Variants in ST3GAL6 observed in about 807,000 individuals in gnomAD.
The protein encoded by ST3GAL6 is type 2 lactosamine alpha-2,3-sialyltransferase.
A neutral mutation model predicts 40.5 loss-of-function variants in ST3GAL6; 31 were observed. The ratio of observed to expected loss-of-function variants is 0.77; its 90% CI spans 0.58 to 1.03. The LOEUF (loss-of-function observed/expected upper bound fraction) is 1.03, where lower values mean the gene tolerates loss of function less well. Among genes scored for constraint, ST3GAL6 ranks in the 50% least tolerant of loss-of-function variants. ST3GAL6 has a pLI of 0.00. For synonymous variants in ST3GAL6, 129 were observed against 136.9 expected (o/e 0.94, Z 0.40); for missense variants, 357 against 393.2 (o/e 0.91, Z 0.78).
chr3:98,757,402 C>G (rs1937507320), intron 1 of ST3GAL6, among the ~76,000 whole-genome samples: 1 of 152,160 alleles, frequency 6.6e-6, no homozygotes, highest in Non-Finnish European at 1.5e-5. Context: ...CAGCGTGGTC[C>G]TTAGCCACTG....
At chr3:98,751,866 C>T (rs917123582) in intron 1 of ST3GAL6, among the ~76,000 whole-genome samples, 1 of 152,158 alleles carries the variant, frequency 6.6e-6, no homozygotes, top group Non-Finnish European at 1.5e-5. Context: ...CTTTTAAAAA[C>T]TTTCTTTGGT....
At chr3:98,782,831 C>T in intron 5 of ST3GAL6, 4 of 497,298 alleles carry the variant, frequency 8.0e-6, no homozygotes, top group South Asian at 6.4e-5. Flanking sequence ...ACCCCTGAAA[C>T]AGTCTACCTC....
chr3:98,775,581 C>G (rs1430691252), intron 5 of ST3GAL6, among the ~76,000 whole-genome samples: 1 of 152,006 alleles, frequency 6.6e-6, no homozygotes, highest in African/African-American at 2.4e-5. Context: ...ATTCTGGAGG[C>G]TATATGACTA....
intron 1 of ST3GAL6, among the ~76,000 whole-genome samples, chr3:98,752,438 A>G (rs540004356): frequency 6.6e-6 from 1 of 151,648 alleles, no homozygotes; most frequent in East Asian, 1.9e-4. Context: ...TTTTTATAAA[A>G]TATATATTTT....
At chr3:98,754,901 A>C (rs764348916) in intron 1 of ST3GAL6, among the ~76,000 whole-genome samples, 1 of 152,252 alleles carries the variant, frequency 6.6e-6, no homozygotes, top group Non-Finnish European at 1.5e-5. Flanking sequence ...ATTACTGCAC[A>C]CTTATAGACT....
At chr3:98,734,073 C>T (rs151080113) in intron 1 of ST3GAL6, among the ~76,000 whole-genome samples, 5 of 152,264 alleles carry the variant, frequency 3.3e-5, no homozygotes, top group African/African-American at 9.6e-5. Flanking sequence ...ACCTTTGAAC[C>T]TCGTAACTCT....
At chr3:98,790,801 T>A (rs1941131367) in intron 8 of ST3GAL6, among the ~76,000 whole-genome samples, 1 of 151,918 alleles carries the variant, frequency 6.6e-6, no homozygotes, top group African/African-American at 2.4e-5. Flanking sequence ...GAAGGACTCT[T>A]AAGATGTGAA....
At chr3:98,792,468 T>C (rs902985681) in intron 9 of ST3GAL6, among the ~76,000 whole-genome samples, 3 of 152,028 alleles carry the variant, frequency 2.0e-5, no homozygotes, top group African/African-American at 7.2e-5. Context: ...TAGGGATTAA[T>C]AGTGAGGATT....
intron 1 of ST3GAL6, among the ~76,000 whole-genome samples, chr3:98,742,760 G>A (rs1274978767): frequency 6.7e-6 from 1 of 149,578 alleles, no homozygotes; most frequent in Non-Finnish European, 1.5e-5. Context: ...GTGCAGTGGC[G>A]CAATCTTGGC....
At chr3:98,777,727 T>C (rs1939688348) in intron 5 of ST3GAL6, among the ~76,000 whole-genome samples, 1 of 151,272 alleles carries the variant, frequency 6.6e-6, no homozygotes, top group Non-Finnish European at 1.5e-5. Context: ...CTGAGTTCAG[T>C]GCATCTTTTT....
At position 98,756,277 on chromosome 3, in the gene ST3GAL6, G is replaced by A. The variant is rs1408408880; in HGVS notation, c.-11-12153G>A. ...GATCAGAAGTGAGTTTACTAAAATG[G>A]CGTTTTCCTTAAAGTTTTAAAAATG... On this transcript the variant is annotated intron_variant, in intron 1 of 9. Transcript: ENST00000265261. 5.6e-6 allele frequency: 6 copies of A among 1,062,722 alleles called. No individual in the cohort carries two copies. In the African/African-American group the frequency reaches 8.2e-5, roughly 15 times the overall value. The allele number at this position is 1,062,722 out of a possible 1,614,324, so 65.8% of individuals were successfully genotyped here. A position where few individuals can be genotyped will look rare whatever the true frequency, so the allele number is the denominator to read the frequency against.
At position 98,784,558 on chromosome 3, in the gene ST3GAL6, A is replaced by C. The variant is rs1351909749; in HGVS notation, c.336-387A>C. ...AGAGTCCTATATGGAGGTGTGTTTC[A>C]CAGTCTCAAGTTCTGGATCCACATG... On this transcript the variant is annotated intron_variant, in intron 5 of 9. Transcript: ENST00000483910. 4 of 187,550 alleles carry C rather than the reference A, an allele frequency of 2.1e-5. No homozygotes were observed. In the East Asian group the frequency reaches 5.2e-4, roughly 24 times the overall value. 11.6% of individuals were successfully genotyped at this position (187,550 alleles called of 1,614,324 possible).
intron 1 of ST3GAL6, among the ~76,000 whole-genome samples, chr3:98,739,717 GAAT>G (rs1464777327): frequency 6.6e-6 from 1 of 152,170 alleles, no homozygotes; most frequent in Non-Finnish European, 1.5e-5. Context: ...TAGGGCCAAA[GAAT>G]AAAAGGAGAT....
intron 1 of ST3GAL6, among the ~76,000 whole-genome samples, chr3:98,748,539 C>T (rs982247216): frequency 5.9e-5 from 9 of 152,164 alleles, no homozygotes; most frequent in Non-Finnish European, 1.2e-4. Context: ...GATCTCAGCT[C>T]ACTGCAACCT....
At chr3:98,789,861 C>G (rs1268203374) in intron 8 of ST3GAL6, among the ~76,000 whole-genome samples, 1 of 152,146 alleles carries the variant, frequency 6.6e-6, no homozygotes, top group Non-Finnish European at 1.5e-5. Flanking sequence ...TTAGTGATGA[C>G]ATTAGAACTA....
chr3:98,753,643 A>G (rs1440098887), intron 1 of ST3GAL6, among the ~76,000 whole-genome samples: 4 of 152,220 alleles, frequency 2.6e-5, no homozygotes, highest in Non-Finnish European at 5.9e-5. Flanking sequence ...CTCATTTACC[A>G]TTCCGAAAAT....
chr3:98,771,872 T>C (rs1939033626), intron 3 of ST3GAL6, among the ~76,000 whole-genome samples: 1 of 152,070 alleles, frequency 6.6e-6, no homozygotes, highest in South Asian at 2.1e-4. Flanking sequence ...AAATACATTT[T>C]ACTTGGGATC....
Position 98,788,310 on chromosome 3 carries a change from T to C in ST3GAL6, c.619-16T>C. The stretch of plus-strand genomic sequence containing the variant: ...GACAGCCACACTGTTCTATTCTCTA[T>C]ATTTTTTACTTTCAGAACACTAATG... On this transcript the variant is annotated splice_polypyrimidine_tract_variant and intron_variant, in intron 7 of 9. Transcript: ENST00000483910. 1 of 1,600,662 alleles carries C rather than the reference T, an allele frequency of 6.2e-7. No homozygotes were observed. The highest frequency in any genetic ancestry group is 8.5e-7 in the Non-Finnish European group (1 of 1,175,230).
intron 1 of ST3GAL6, among the ~76,000 whole-genome samples, chr3:98,744,333 T>G (rs922804539): frequency 4.6e-5 from 7 of 152,194 alleles, no homozygotes; most frequent in Non-Finnish European, 1.0e-4. Flanking sequence ...ACAGAGGTTC[T>G]GCCATGGTAC....
Sources: gnomAD v4.1 joint callset for allele counts (sites outside exome capture counted in the v4.1 genomes callset) on GRCh38, gnomAD v4.1.1 for gene constraint, MANE v1.5 for transcripts, NCBI Gene and HGNC (gene_info 2026-07-23, HGNC 2026-07-21) for gene names.